The following VWC2 variants were observed in gnomAD, a reference collection of about 807,000 sequenced individuals.
VWC2 encodes the protein brorin.
VWC2 carries 14 observed loss-of-function variants against 29.8 expected under a neutral mutation model. The ratio of observed to expected loss-of-function variants is 0.47; its 90% CI spans 0.31 to 0.74. The LOEUF is 0.74. Ranked by LOEUF, VWC2 falls within the 30% of genes least tolerant of loss-of-function variation. VWC2 has a pLI of 0.05. For synonymous variants in VWC2, 213 were observed against 199.0 expected, an observed-to-expected ratio of 1.07 and a Z score of -0.59; for missense variants, 457 against 459.8, an observed-to-expected ratio of 0.99 and a Z score of 0.05.
At chr7:49,858,565 G>A (rs1790520922) in intron 3 of VWC2, among the ~76,000 whole-genome samples, 1 of 123,358 alleles carries the variant, frequency 8.1e-6, no homozygotes, top group Non-Finnish European at 1.7e-5. Context: ...TGGGGTGGGG[G>A]AGGGGGGAGG....
intron 3 of VWC2, among the ~76,000 whole-genome samples, chr7:49,878,615 A>G (rs1329434423): frequency 1.3e-5 from 2 of 152,118 alleles, no homozygotes; most frequent in African/African-American, 4.8e-5. Flanking sequence ...TTATATAATG[A>G]CATTCCAAGT....
At chr7:49,807,853 G>T (rs1269290533) in intron 3 of VWC2, among the ~76,000 whole-genome samples, 3 of 152,098 alleles carry the variant, frequency 2.0e-5, no homozygotes, top group Non-Finnish European at 4.4e-5. Context: ...GAAAATATTT[G>T]CAATATGTAT....
At chr7:49,859,954 G>A (rs1397157272) in intron 3 of VWC2, among the ~76,000 whole-genome samples, 2 of 151,280 alleles carry the variant, frequency 1.3e-5, no homozygotes, top group Non-Finnish European at 2.9e-5. Context: ...ATATAAATGT[G>A]TTTACTTATG....
At chr7:49,778,452 A>G (rs1352065730) in intron 2 of VWC2, among the ~76,000 whole-genome samples, 4 of 152,208 alleles carry the variant, frequency 2.6e-5, no homozygotes, top group East Asian at 1.9e-4. Flanking sequence ...ATTTTTAATT[A>G]TATGCTTGTT....
intron 3 of VWC2, among the ~76,000 whole-genome samples, chr7:49,846,776 T>C (rs796614512): frequency 5.3e-5 from 8 of 152,360 alleles, no homozygotes; most frequent in African/African-American, 1.9e-4. Context: ...GATATAGGAA[T>C]GCATACATTT....
chr7:49,880,201 C>A (rs1337929319), intron 3 of VWC2, among the ~76,000 whole-genome samples: 1 of 152,106 alleles, frequency 6.6e-6, no homozygotes, highest in Non-Finnish European at 1.5e-5. Flanking sequence ...TTTTTTACTT[C>A]TTCATATGAT....
Position 49,917,691 on chromosome 7 carries a change from A to G in VWC2, c.*5506A>G, listed in dbSNP as rs1793796871. Reference sequence around the variant, plus strand: ...GAAATATTTCTCAATTTTATTTGGTATCTAATTATATTAAGACCAACATAT... The same window carrying G: ...GAAATATTTCTCAATTTTATTTGGTGTCTAATTATATTAAGACCAACATAT... On this transcript the variant is annotated 3_prime_UTR_variant, in exon 4 of 4. Coordinates refer to ENST00000340652, the MANE Select transcript of VWC2 (RefSeq NM_198570.5). 1 of 152,248 alleles carries G rather than the reference A, an allele frequency of 6.6e-6. No individual in the cohort carries two copies. Among genetic ancestry groups the G allele is most frequent in the South Asian group, 2.1e-4 (1 of 4,820 alleles). 9.4% of individuals were successfully genotyped at this position (152,248 alleles called of 1,614,324 possible).
rs545971133 is a variant in VWC2, at chr7:49,794,192, T to TGTAA, written c.697-8517_697-8514dup. Among the ~76,000 whole-genome samples, 50 of 152,304 alleles carry TGTAA rather than the reference T, an allele frequency of 3.3e-4. 1 individual carries two copies. Among genetic ancestry groups the TGTAA allele is most frequent in the Admixed American group, 2.4e-3 (36 of 15,304 alleles). The stretch of plus-strand genomic sequence containing the variant: ...TTTTGCCCATTTGCATGCTAGCAAA[T>TGTAA]GTAAGAACTCTGGTTCCCCTTCTCT... On this transcript the variant is annotated intron_variant, in intron 2 of 3. Coordinates refer to ENST00000340652, the MANE Select transcript of VWC2 (RefSeq NM_198570.5).
chr7:49,918,140 A>G lies in VWC2; in HGVS notation c.*5955A>G, dbSNP rs1396051711. 6.6e-6 allele frequency: 1 copy of G among 152,184 alleles called. No homozygotes were observed. Among genetic ancestry groups the G allele is most frequent in the Non-Finnish European group, 1.5e-5 (1 of 68,028 alleles). 9.4% of individuals were successfully genotyped at this position (152,184 alleles called of 1,614,324 possible). ...TTCACTTATTATCACATTTAACCTC[A>G]CAGTTCTCCCAAATTGTGGGTAATG... On this transcript the variant is annotated 3_prime_UTR_variant, in exon 4 of 4. Coordinates refer to ENST00000340652, the MANE Select transcript of VWC2 (RefSeq NM_198570.5).
chr7:49,804,163 T>G (rs1329068187), intron 3 of VWC2, among the ~76,000 whole-genome samples: 1 of 147,000 alleles, frequency 6.8e-6, no homozygotes, highest in Non-Finnish European at 1.5e-5. Context: ...ATGGAGTGTG[T>G]TTTTTTTTTA....
chr7:49,789,616 GCT>G (rs1244946322), intron 2 of VWC2, among the ~76,000 whole-genome samples: 3 of 132,896 alleles, frequency 2.3e-5, no homozygotes, highest in African/African-American at 5.8e-5. Context: ...TAAAAATTAA[GCT>G]CTCTTTTTTC....
rs981170312 is a variant in VWC2 at position 49,920,159 on chromosome 7, C to A, written c.*7974C>A. 1 of 151,542 alleles carries A rather than the reference C, an allele frequency of 6.6e-6. No individual in the cohort carries two copies. Among genetic ancestry groups the A allele is most frequent in the Non-Finnish European group, 1.5e-5 (1 of 67,938 alleles). 9.4% of individuals were successfully genotyped at this position (151,542 alleles called of 1,614,324 possible). ...GATATGGAAGCAAAATGGAACAGAG[C>A]AATATAGAGCAAAACAGAGGTTTGT... On this transcript the variant is annotated 3_prime_UTR_variant, in exon 4 of 4. Transcript: ENST00000340652.
At chr7:49,822,138 A>G (rs1161358101) in intron 3 of VWC2, among the ~76,000 whole-genome samples, 1 of 151,992 alleles carries the variant, frequency 6.6e-6, no homozygotes, top group Non-Finnish European at 1.5e-5. Context: ...AATTCTCTTT[A>G]TTTTGGCTGC....
chr7:49,782,326 G>A (rs1441938477), intron 2 of VWC2, among the ~76,000 whole-genome samples: 1 of 152,122 alleles, frequency 6.6e-6, no homozygotes, highest in Non-Finnish European at 1.5e-5. Flanking sequence ...TAGAAAATTA[G>A]TGCCCCCTCC....
intron 3 of VWC2, among the ~76,000 whole-genome samples, chr7:49,845,477 A>G (rs537784583): frequency 2.0e-5 from 3 of 152,296 alleles, no homozygotes; most frequent in Non-Finnish European, 4.4e-5. Flanking sequence ...TTACTAGTTC[A>G]ACTGTAAAAA....
At chr7:49,787,623 G>C (rs553765240) in intron 2 of VWC2, among the ~76,000 whole-genome samples, 1 of 152,262 alleles carries the variant, frequency 6.6e-6, no homozygotes, top group East Asian at 1.9e-4. Context: ...GAACTGCCCC[G>C]AGCGCCTCTA....
chr7:49,845,071 G>A (rs117416036), intron 3 of VWC2, among the ~76,000 whole-genome samples: 5,538 of 152,186 alleles, frequency 0.036, 137 homozygotes, highest in Middle Eastern at 0.068. Context: ...ATAAATGGGA[G>A]CTGAACGATG....
chr7:49,876,062 TGTTCAGAGTTTGTG>T (rs1791402949), intron 3 of VWC2, among the ~76,000 whole-genome samples: 1 of 152,138 alleles, frequency 6.6e-6, no homozygotes, highest in African/African-American at 2.4e-5. Context: ...GTATCAAAAT[TGTTCAGAGTTTGTG>T]GTTTGAAGTT....
intron 3 of VWC2, among the ~76,000 whole-genome samples, chr7:49,901,868 A>ATCAACAC (rs1792749389): frequency 7.3e-6 from 1 of 137,702 alleles, no homozygotes; most frequent in Non-Finnish European, 1.5e-5. Flanking sequence ...TCAGATAAAT[A>ATCAACAC]TGAACACTGT....
Sources: allele counts gnomAD v4.1 joint callset (sites outside exome capture counted in the v4.1 genomes callset), GRCh38; gene constraint gnomAD v4.1.1; transcripts MANE v1.5; gene names NCBI Gene and HGNC (gene_info 2026-07-23, HGNC 2026-07-21).